LINGO1: variants seen among roughly 807,000 people sequenced by gnomAD.
LINGO1 encodes the protein leucine-rich repeat and immunoglobulin-like domain-containing nogo receptor-interacting protein 1.
Under a neutral mutation model 37.3 loss-of-function variants are expected in LINGO1, and 11 were observed. The ratio of observed to expected loss-of-function variants is 0.29; its 90% confidence interval spans 0.19 to 0.49. The LOEUF (loss-of-function observed/expected upper bound fraction) is 0.49. Among genes scored for constraint, LINGO1 ranks in the 20% least tolerant of loss-of-function variants. The pLI is 0.99. For missense variants in LINGO1, 585 were observed against 878.2 expected, an observed-to-expected ratio of 0.67 and a Z score of 4.22; for synonymous variants, 387 against 403.0, an observed-to-expected ratio of 0.96 and a Z score of 0.48.
chr15:77,813,500 C>G (rs1249246214), intron 1 of LINGO1, among the ~76,000 whole-genome samples: 1 of 152,138 alleles, frequency 6.6e-6, no homozygotes, highest in Non-Finnish European at 1.5e-5. Flanking sequence ...AGCATGACAG[C>G]CAGCCTGGGC....
In LINGO1 at chr15:77,614,032, C is replaced by G; in HGVS notation, c.*12G>C. 2 of 1,553,444 alleles carry G rather than the reference C, an allele frequency of 1.3e-6. No individual in the cohort carries two copies. The highest frequency in any genetic ancestry group is 8.7e-7 in the Non-Finnish European group (1 of 1,147,376). ...CCCGGCCGCCCGGGGGTCCCTGCCCCCCGCCCCGGCCTCATATCATCTTCA... is the reference window on the plus strand; with the variant it reads ...CCCGGCCGCCCGGGGGTCCCTGCCCGCCGCCCCGGCCTCATATCATCTTCA... On this transcript the variant is annotated 3_prime_UTR_variant, in exon 2 of 2. Coordinates refer to ENST00000355300, the MANE Select transcript of LINGO1 (RefSeq NM_032808.7).
rs145976050 is a variant in LINGO1, at chr15:77,705,715, G to A, written c.-194-14814C>T. Among the ~76,000 whole-genome samples the A allele has an allele frequency of 1.9e-3, 287 of 152,346 alleles. 4 individuals are homozygous for A. The highest frequency in any genetic ancestry group is 6.7e-3 in the African/African-American group (277 of 41,580). ...TCAGGCTGAACAACGGGATATTCTG[G>A]ATCCTCTCAGGCACAATGGTGCCAA... On this transcript the variant is annotated intron_variant, in intron 2 of 3. Coordinates refer to the LINGO1 transcript ENST00000561686.
chr15:77,793,329 A>C (rs1044654128), intron 2 of LINGO1, among the ~76,000 whole-genome samples: 1 of 152,088 alleles, frequency 6.6e-6, no homozygotes, highest in Non-Finnish European at 1.5e-5. Flanking sequence ...TTCCCCTCTA[A>C]TCACTGGAGC....
chr15:77,771,289 C>T (rs889998459), intron 1 of LINGO1, among the ~76,000 whole-genome samples: 1 of 152,168 alleles, frequency 6.6e-6, no homozygotes, highest in African/African-American at 2.4e-5. Context: ...TCACACCTTT[C>T]CCAACTCCAG....
At chr15:77,802,856 C>T (rs2076930741) in intron 1 of LINGO1, among the ~76,000 whole-genome samples, 1 of 152,188 alleles carries the variant, frequency 6.6e-6, no homozygotes, top group African/African-American at 2.4e-5. Context: ...CTGCTCCACA[C>T]CCTTCTATGG....
chr15:77,753,712 C>T (rs750644151), intron 1 of LINGO1, among the ~76,000 whole-genome samples: 1 of 152,214 alleles, frequency 6.6e-6, no homozygotes, highest in South Asian at 2.1e-4. Context: ...ATTGAGAACA[C>T]GGTCTGAGGG....
At chr15:77,790,446 C>T (rs1357096391), upstream of LINGO1, among the ~76,000 whole-genome samples, 1 of 152,216 alleles carries the variant, frequency 6.6e-6, no homozygotes, top group Non-Finnish European at 1.5e-5. Flanking sequence ...GTAGCGATGG[C>T]TGGAACAACA....
At chr15:77,772,371 C>T (rs1403167031) in intron 1 of LINGO1, among the ~76,000 whole-genome samples, 3 of 152,194 alleles carry the variant, frequency 2.0e-5, no homozygotes, top group Non-Finnish European at 4.4e-5. Context: ...CCCGTAACCT[C>T]GGTTTCCTCA....
intron 1 of LINGO1, among the ~76,000 whole-genome samples, chr15:77,761,401 G>T (rs2076475621): frequency 6.6e-6 from 1 of 152,202 alleles, no homozygotes; most frequent in South Asian, 2.1e-4. Context: ...AGCAAGCAAA[G>T]GCTGTCCTCA....
intron 2 of LINGO1, among the ~76,000 whole-genome samples, chr15:77,706,367 C>T (rs1040990441): frequency 1.3e-5 from 2 of 152,238 alleles, no homozygotes; most frequent in African/African-American, 2.4e-5. Flanking sequence ...CATCCAGCAG[C>T]CAGGGCAGCA....
upstream of LINGO1, among the ~76,000 whole-genome samples, chr15:77,697,366 C>T (rs2075710042): frequency 6.6e-6 from 1 of 152,200 alleles, no homozygotes; most frequent in Admixed American, 6.5e-5. Context: ...TTCAAAACCC[C>T]TTGCTGCAGA....
intron 3 of LINGO1, among the ~76,000 whole-genome samples, chr15:77,639,479 G>A (rs940381941): frequency 6.6e-6 from 1 of 151,868 alleles, no homozygotes; most frequent in African/African-American, 2.4e-5. Flanking sequence ...CACACCCTAC[G>A]ACCCAGCAGT....
chr15:77,691,810 G>A (rs2075608780), intron 1 of LINGO1, among the ~76,000 whole-genome samples: 2 of 152,214 alleles, frequency 1.3e-5, no homozygotes, highest in Admixed American at 6.5e-5. Flanking sequence ...TAGTGACGCT[G>A]AGTAATGTTT....
At chr15:77,684,410 AG>A (rs1478230552) in intron 2 of LINGO1, among the ~76,000 whole-genome samples, 1 of 152,208 alleles carries the variant, frequency 6.6e-6, no homozygotes, top group Non-Finnish European at 1.5e-5. Flanking sequence ...ACCTAGGCAG[AG>A]GGTCTTATGC....
intron 1 of LINGO1, among the ~76,000 whole-genome samples, chr15:77,749,855 G>C (rs1224403235): frequency 2.0e-5 from 3 of 152,174 alleles, no homozygotes; most frequent in Non-Finnish European, 4.4e-5. Flanking sequence ...TTGAGGGCTG[G>C]TAAGAGGAAG....
chr15:77,721,355 T>C (rs989434849), intron 2 of LINGO1, among the ~76,000 whole-genome samples: 2 of 152,192 alleles, frequency 1.3e-5, no homozygotes, highest in Non-Finnish European at 2.9e-5. Flanking sequence ...CCCCAGCCAC[T>C]GCCTCCCACC....
intron 2 of LINGO1, among the ~76,000 whole-genome samples, chr15:77,716,544 C>A (rs2141302735): frequency 6.7e-6 from 1 of 150,056 alleles, no homozygotes; most frequent in South Asian, 2.2e-4. Context: ...GGAATACACA[C>A]ACACACGCAC....
chr15:77,633,160 C>T (rs958533098), upstream of LINGO1, among the ~76,000 whole-genome samples: 1 of 151,834 alleles, frequency 6.6e-6, no homozygotes, highest in African/African-American at 2.4e-5. Context: ...GGCGCTCCAG[C>T]TCTGCACACG....
upstream of LINGO1, among the ~76,000 whole-genome samples, chr15:77,791,463 G>A (rs2076818193): frequency 6.6e-6 from 1 of 152,094 alleles, no homozygotes; most frequent in Non-Finnish European, 1.5e-5. Context: ...GGAAGGTGAG[G>A]CTGAGCCTGG....
Sources: gnomAD v4.1 joint callset for allele counts (sites outside exome capture counted in the v4.1 genomes callset) on GRCh38, gnomAD v4.1.1 for gene constraint, MANE v1.5 for transcripts, NCBI Gene and HGNC (gene_info 2026-07-23, HGNC 2026-07-21) for gene names.